The following SEMA4F variants were observed in gnomAD, a reference collection of about 807,000 sequenced individuals.
The protein encoded by SEMA4F is ssemaphorin 4F, also known as semaphorin-4F.
Under a neutral mutation model 78.4 loss-of-function variants are expected in SEMA4F, and 51 were observed. The observed-to-expected ratio is 0.65, with a 90% CI of 0.52 to 0.82. The LOEUF is 0.82. SEMA4F is among the 40% of genes least tolerant of loss of function. The probability of loss-of-function intolerance (pLI) is 0.00; values close to 1 mark genes in which losing one functional copy is unlikely to be tolerated. For synonymous variants in SEMA4F, 418 were observed against 408.7 expected, an observed-to-expected ratio of 1.02 and a Z score of -0.27; for missense variants, 938 against 1,014.4, an observed-to-expected ratio of 0.92 and a Z score of 1.02.
At position 74,658,072 on chromosome 2, in the gene SEMA4F, C is replaced by T. The variant is rs1313189340; in HGVS notation, c.456+121C>T. The stretch of plus-strand genomic sequence containing the variant: ...GACCATGATGGGGGCATGGTCAAGG[C>T]AACCATTGTGCATGATAAGCATTGG... On this transcript the variant is annotated intron_variant, in intron 4 of 13. Coordinates refer to ENST00000357877, the MANE Select transcript of SEMA4F (RefSeq NM_004263.5). This position sits in a 1 kb window ranked among gnomAD's most constrained non-coding sequence, Gnocchi z 4.3. The T allele has an allele frequency of 3.6e-6, 3 of 842,920 alleles. No individual in the cohort carries two copies. The East Asian group carries it at 7.6e-5, about 21-fold the overall frequency. The allele number at this position is 842,920 out of a possible 1,614,324, so 52.2% of individuals were successfully genotyped here.
Position 74,658,048 on chromosome 2 carries a change from A to C in SEMA4F, c.456+97A>C. 9.2e-7 allele frequency: 1 copy of C among 1,089,510 alleles called. No homozygotes were observed. The highest frequency in any genetic ancestry group is 1.4e-6 in the Non-Finnish European group (1 of 713,732). 67.5% of individuals were successfully genotyped at this position (1,089,510 alleles called of 1,614,324 possible). A position where few individuals can be genotyped will look rare whatever the true frequency, so the allele number is the denominator to read the frequency against. On this transcript the variant is annotated intron_variant, in intron 4 of 13. Transcript: ENST00000357877. The surrounding 1 kb of genome is among the most constrained non-coding windows in gnomAD (Gnocchi z 4.3). The stretch of plus-strand genomic sequence containing the variant: ...GGATGGGAAGGGTTTTCTGTGAGCG[A>C]CCATGATGGGGGCATGGTCAAGGCA...
Position 74,656,577 on chromosome 2 carries a change from C to G in SEMA4F, c.189C>G (p.Tyr63Ter). ...CCCGGTTCGCAGTCCCTCACACATACAATTACTCTGTTCTCCTTGTGGATC... is the reference window on the plus strand; with the variant it reads ...CCCGGTTCGCAGTCCCTCACACATAGAATTACTCTGTTCTCCTTGTGGATC... ...CLTRFAVPHT[Y>*]NYSVLLVDPA... The change falls in exon 2 of 14, where the codon TAC becomes TAG. Residue 63 changes from tyrosine to a stop codon, truncating the protein, a stop_gained. Transcript: ENST00000357877. LOFTEE classifies it high-confidence loss of function. The G allele has an allele frequency of 6.2e-7, 1 of 1,614,184 alleles. No homozygotes were observed. Among genetic ancestry groups the G allele is most frequent in the East Asian group, 2.2e-5 (1 of 44,878 alleles).
In SEMA4F at chr2:74,675,529, T is replaced by C. The variant is rs1426771176; in HGVS notation, c.1377T>C (p.Asp459=). 3 of 1,613,770 alleles carry C rather than the reference T, an allele frequency of 1.9e-6. No individual in the cohort carries two copies. The Admixed American group carries it at 5.0e-5, about 27-fold the overall frequency. ...TGTTCCTTTCCTGTCCCCTAGAGGA[T>C]GGACACCTCCACCGAGCAGTGCGGA... is the stretch of plus-strand genomic sequence containing the variant. ...EYDVLYLGTE[D]GHLHRAVRIG... Residue 459 remains aspartate, a synonymous_variant, in exon 11 of 14, where the codon GAT becomes GAC. Transcript: ENST00000357877.
At chr2:74,660,574 G>A (rs940695434) in intron 4 of SEMA4F, among the ~76,000 whole-genome samples, 2 of 152,230 alleles carry the variant, frequency 1.3e-5, no homozygotes, top group African/African-American at 4.8e-5. Context: ...CTATGCTGCT[G>A]ACTAACACAA....
intron 12 of SEMA4F, among the ~76,000 whole-genome samples, chr2:74,676,735 C>T (rs987617726): frequency 5.0e-4 from 76 of 152,212 alleles, no homozygotes; most frequent in African/African-American, 1.8e-3. Flanking sequence ...AACTGGACTA[C>T]TCTAATAACC....
At chr2:74,676,705 C>T (rs1378641880) in intron 12 of SEMA4F, among the ~76,000 whole-genome samples, 1 of 152,206 alleles carries the variant, frequency 6.6e-6, no homozygotes, top group Non-Finnish European at 1.5e-5. Context: ...CCACTCTAGT[C>T]CAAGCCATCA....
the SEMA4F span, among the ~76,000 whole-genome samples, chr2:74,708,893 C>T: frequency 3.9e-5 from 6 of 152,104 alleles, no homozygotes; most frequent in East Asian, 1.9e-4. Flanking sequence ...AGGCTGGGTG[C>T]GGTGGTTCAC....
the SEMA4F span, among the ~76,000 whole-genome samples, chr2:74,701,508 T>TA: frequency 2.6e-5 from 4 of 152,246 alleles, no homozygotes; most frequent in East Asian, 1.9e-4. Context: ...ACAATGCTGC[T>TA]AAAAAAATCT....
chr2:74,708,342 T>C, the SEMA4F span, among the ~76,000 whole-genome samples: 1 of 152,124 alleles, frequency 6.6e-6, no homozygotes, highest in East Asian at 1.9e-4. Context: ...GAGCCTAGGC[T>C]TTTCCCCTCA....
chr2:74,662,588 T>C (rs1684482018), intron 4 of SEMA4F, 144 bp from the exon 5 acceptor site: 2 of 719,848 alleles, frequency 2.8e-6, no homozygotes, highest in African/African-American at 1.7e-5. Flanking sequence ...AGCTGACTGG[T>C]AATATGGGGA....
At chr2:74,676,045 G>A (rs543964116) in intron 12 of SEMA4F, 136 bp downstream of exon 12, 9 of 896,634 alleles carry the variant, frequency 1.0e-5, no homozygotes, top group African/African-American at 8.4e-5. Context: ...TACATCACTC[G>A]TGTGTCCTTC....
chr2:74,659,183 C>G (rs1684309432), intron 4 of SEMA4F, among the ~76,000 whole-genome samples: 1 of 152,178 alleles, frequency 6.6e-6, no homozygotes, highest in Non-Finnish European at 1.5e-5. Flanking sequence ...ACATTGAGGT[C>G]TAATTTCCCT....
At chr2:74,666,850 T>A (rs1223613017) in intron 5 of SEMA4F, among the ~76,000 whole-genome samples, 1 of 152,204 alleles carries the variant, frequency 6.6e-6, no homozygotes, top group Non-Finnish European at 1.5e-5. Context: ...GATTAGAATA[T>A]AATAGGAGTA....
chr2:74,661,815 T>G (rs947359245), intron 4 of SEMA4F, among the ~76,000 whole-genome samples: 1 of 152,192 alleles, frequency 6.6e-6, no homozygotes, highest in Admixed American at 6.5e-5. Flanking sequence ...ACAGCTACCA[T>G]GGAAGTAATT....
At chr2:74,656,275 G>T (rs1450545353) in intron 1 of SEMA4F, among the ~76,000 whole-genome samples, 1 of 152,116 alleles carries the variant, frequency 6.6e-6, no homozygotes. Flanking sequence ...CTCCCAAAGT[G>T]CTGGGATTAC....
intron 5 of SEMA4F, among the ~76,000 whole-genome samples, chr2:74,663,205 G>T (rs534082732): frequency 6.6e-6 from 1 of 152,176 alleles, no homozygotes; most frequent in African/African-American, 2.4e-5. Context: ...CTTTCCAAAA[G>T]AACTTTATGT....
At chr2:74,668,607 A>T (rs1233061409) in intron 5 of SEMA4F, among the ~76,000 whole-genome samples, 1 of 151,460 alleles carries the variant, frequency 6.6e-6, no homozygotes, top group African/African-American at 2.4e-5. Flanking sequence ...GTAAAAAATC[A>T]GTTGTGTTTT....
chr2:74,684,864 TGAGGC>T (rs1325410788), downstream of SEMA4F, among the ~76,000 whole-genome samples: 1 of 152,192 alleles, frequency 6.6e-6, no homozygotes, highest in African/African-American at 2.4e-5. Flanking sequence ...TTTAGGAGGC[TGAGGC>T]GAGAGGATGG....
At chr2:74,704,951 G>T in the SEMA4F span, among the ~76,000 whole-genome samples, 1 of 151,996 alleles carries the variant, frequency 6.6e-6, no homozygotes, top group Non-Finnish European at 1.5e-5. Context: ...TCAATCCAAG[G>T]GTCCATCAGT....
Sources: gnomAD v4.1 joint callset for allele counts (sites outside exome capture counted in the v4.1 genomes callset) on GRCh38, gnomAD v4.1.1 for gene constraint, Gnocchi (gnomAD v3.1) non-coding constraint, MANE v1.5 for transcripts, NCBI Gene and HGNC (gene_info 2026-07-23, HGNC 2026-07-21) for gene names.